NTM: variants seen among roughly 807,000 people sequenced by gnomAD.
The protein encoded by NTM is neurotrimin, also known as IgLON family member 2.
A neutral mutation model predicts 42.1 loss-of-function variants in NTM; 13 were observed. The observed-to-expected ratio is 0.31, with a 90% CI of 0.20 to 0.49. The LOEUF (loss-of-function observed/expected upper bound fraction) is 0.49, where lower values mean the gene tolerates loss of function less well. Among genes scored for constraint, NTM ranks in the 20% least tolerant of loss-of-function variants. The pLI is 0.99. For synonymous variants in NTM, 187 were observed against 179.2 expected, an observed-to-expected ratio of 1.04 and a Z score of -0.35; for missense variants, 373 against 452.8, an observed-to-expected ratio of 0.82 and a Z score of 1.60.
At chr11:131,550,051 CGCATGAGAATCATG>C (rs1336394046) in intron 1 of NTM, among the ~76,000 whole-genome samples, 1 of 152,088 alleles carries the variant, frequency 6.6e-6, no homozygotes, top group Non-Finnish European at 1.5e-5. Context: ...GGATGAGAAT[CGCATGAGAATCATG>C]GCATGAGAAT....
At chr11:132,175,600 T>A (rs998164105) in intron 3 of NTM, among the ~76,000 whole-genome samples, 10 of 152,092 alleles carry the variant, frequency 6.6e-5, no homozygotes, top group South Asian at 2.1e-4. Flanking sequence ...CCCCCCTTTT[T>A]TTTTTCAGAC....
intron 1 of NTM, among the ~76,000 whole-genome samples, chr11:131,473,437 CAT>C (rs1952636468): frequency 6.6e-6 from 1 of 152,172 alleles, no homozygotes; most frequent in African/African-American, 2.4e-5. Flanking sequence ...CAAACTCATG[CAT>C]TTTTTTAAGC....
intron 1 of NTM, among the ~76,000 whole-genome samples, chr11:131,724,496 G>A (rs553376551): frequency 3.3e-5 from 5 of 152,148 alleles, no homozygotes; most frequent in East Asian, 3.9e-4. Context: ...TATTATACCC[G>A]CAGACAAATG....
intron 1 of NTM, among the ~76,000 whole-genome samples, chr11:131,773,089 G>T (rs2086384293): frequency 6.6e-6 from 1 of 152,198 alleles, no homozygotes; most frequent in Non-Finnish European, 1.5e-5. Flanking sequence ...ATAAATAAAA[G>T]AAATTCATTT....
At chr11:132,210,350 G>A (rs1469336402) in intron 3 of NTM, among the ~76,000 whole-genome samples, 1 of 152,210 alleles carries the variant, frequency 6.6e-6, no homozygotes, top group African/African-American at 2.4e-5. Flanking sequence ...CCAACTCTGA[G>A]GTTGGTATGG....
chr11:131,929,521 C>A (rs776803534), intron 2 of NTM, among the ~76,000 whole-genome samples: 3 of 150,906 alleles, frequency 2.0e-5, no homozygotes, highest in Non-Finnish European at 2.9e-5. Context: ...TTTTTGTATA[C>A]GGCAAAGGCT....
chr11:132,318,417 G>T (rs7939200), intron 7 of NTM, among the ~76,000 whole-genome samples: 2,818 of 152,244 alleles, frequency 0.019, 78 homozygotes, highest in African/African-American at 0.065. Context: ...GAAAGACAAG[G>T]ATGCCCCTCA....
chr11:132,323,902 T>C (rs1237463628), intron 7 of NTM, among the ~76,000 whole-genome samples: 1 of 148,842 alleles, frequency 6.7e-6, no homozygotes, highest in African/African-American at 2.5e-5. Flanking sequence ...ATCCAGCATA[T>C]AAACAGAGCC....
chr11:131,866,261 G>A (rs2047201670), intron 1 of NTM, among the ~76,000 whole-genome samples: 1 of 151,374 alleles, frequency 6.6e-6, no homozygotes. Context: ...TTTCCATTCA[G>A]CCTTGTCCCA....
chr11:131,512,221 G>T (rs453024), intron 1 of NTM, among the ~76,000 whole-genome samples: 22,863 of 152,230 alleles, frequency 0.15, 1,923 homozygotes, highest in Middle Eastern at 0.22. Flanking sequence ...GCATGCACAC[G>T]GTGGCATGTA....
chr11:132,169,319 A>AGTTTTTTTTTTTTT (rs1491121130), intron 3 of NTM, among the ~76,000 whole-genome samples: 1 of 10,292 alleles, frequency 9.7e-5, no homozygotes, highest in Non-Finnish European at 2.7e-4. Flanking sequence ...TAATTTTTTT[A>AGTTTTTTTTTTTTT]CTTTTTTTTT....
intron 1 of NTM, among the ~76,000 whole-genome samples, chr11:131,782,094 A>G (rs2088257433): frequency 6.6e-6 from 1 of 152,226 alleles, no homozygotes; most frequent in African/African-American, 2.4e-5. Flanking sequence ...AAGGGTTATA[A>G]TACAGGAAAA....
At chr11:131,462,772 C>CA (rs1951511042) in intron 1 of NTM, among the ~76,000 whole-genome samples, 1 of 152,098 alleles carries the variant, frequency 6.6e-6, no homozygotes, top group African/African-American at 2.4e-5. Context: ...CTCCCTAGAG[C>CA]GGGCCCACCT....
At position 132,016,238 on chromosome 11, in the gene NTM, T is replaced by C. The variant is rs539189993; in HGVS notation, c.167+104590T>C. ...TTGATATCGTATGTTGAACAATCAATGATTTTTTAAAGTGAATGTATAGAG... is the reference window on the plus strand; with the variant it reads ...TTGATATCGTATGTTGAACAATCAACGATTTTTTAAAGTGAATGTATAGAG... On this transcript the variant is annotated intron_variant, in intron 2 of 8. Coordinates refer to ENST00000683400, the MANE Select transcript of NTM (RefSeq NM_001352005.2). Among the ~76,000 whole-genome samples, 7 of 152,042 alleles carry C rather than the reference T, an allele frequency of 4.6e-5. No homozygotes were observed. The East Asian group carries it at 5.8e-4, about 13-fold the overall frequency.
chr11:132,233,766 A>G (rs1212088334), intron 4 of NTM, among the ~76,000 whole-genome samples: 4 of 152,200 alleles, frequency 2.6e-5, no homozygotes, highest in Non-Finnish European at 5.9e-5. Flanking sequence ...CACTGCATGA[A>G]CATGGACTCC....
chr11:131,376,667 ATTTT>A (rs33999798), intron 1 of NTM, among the ~76,000 whole-genome samples: 5 of 145,236 alleles, frequency 3.4e-5, no homozygotes, highest in Non-Finnish European at 1.5e-5. Context: ...ACTAAATTTG[ATTTT>A]TTTTTTTTTT....
At chr11:131,823,946 C>A (rs772511275) in intron 1 of NTM, among the ~76,000 whole-genome samples, 12 of 152,174 alleles carry the variant, frequency 7.9e-5, no homozygotes, top group Non-Finnish European at 1.8e-4. Context: ...GTTCTTTATG[C>A]AATTCAAGGC....
rs141904915 is a variant in NTM at position 131,429,880 on chromosome 11, T to C, written c.82+58992T>C. On this transcript the variant is annotated intron_variant, in intron 1 of 8. Transcript: ENST00000683400. Reference sequence around the variant, plus strand: ...TCAGATGTGTCCCAAGGCACTCTGATCTTACCCTTATTATGGCACTGACAT... The same window carrying C: ...TCAGATGTGTCCCAAGGCACTCTGACCTTACCCTTATTATGGCACTGACAT... Among the ~76,000 whole-genome samples, 189 of 152,344 alleles carry C rather than the reference T, an allele frequency of 1.2e-3. 2 individuals carry two copies. Among genetic ancestry groups the C allele is most frequent in the African/African-American group, 4.4e-3 (181 of 41,584 alleles).
intron 1 of NTM, among the ~76,000 whole-genome samples, chr11:131,895,756 G>A (rs909031543): frequency 3.3e-5 from 5 of 152,012 alleles, no homozygotes; most frequent in African/African-American, 1.2e-4. Context: ...GAAAAGAGAG[G>A]CATGGGAAGC....
Sources: gnomAD v4.1 joint callset for allele counts (sites outside exome capture counted in the v4.1 genomes callset) on GRCh38, gnomAD v4.1.1 for gene constraint, MANE v1.5 for transcripts, NCBI Gene and HGNC (gene_info 2026-07-23, HGNC 2026-07-21) for gene names.